Variants in PDE4D observed in about 807,000 individuals in gnomAD.
PDE4D encodes the protein phosphodiesterase 4D.
In PDE4D, 24 loss-of-function variants were observed where a neutral mutation model predicts 87.4. The ratio of observed to expected loss-of-function variants is 0.27; its 90% CI spans 0.20 to 0.39. The LOEUF (loss-of-function observed/expected upper bound fraction) is 0.39. PDE4D is among the 10% of genes least tolerant of loss of function. The pLI is 1.00. For missense variants in PDE4D, 714 were observed against 1,041.0 expected, an observed-to-expected ratio of 0.69 and a Z score of 4.32; for synonymous variants, 384 against 383.2, an observed-to-expected ratio of 1.00 and a Z score of -0.02.
chr5:60,112,880 C>T (rs759307452), intron 2 of PDE4D, among the ~76,000 whole-genome samples: 9 of 152,060 alleles, frequency 5.9e-5, no homozygotes, highest in South Asian at 4.1e-4. Flanking sequence ...CATTCTGTAA[C>T]GCCATCCAAA....
At position 59,788,896 on chromosome 5, in the gene PDE4D, G is replaced by C. The variant is rs76279336; in HGVS notation, c.455+104272C>G. On this transcript the variant is annotated intron_variant, in intron 1 of 14. Coordinates refer to ENST00000340635, the MANE Select transcript of PDE4D (RefSeq NM_001104631.2). Reference sequence around the variant, plus strand: ...GTTCACTTATCAAAAGCTTGTTATAGGTAGTGATATGGGCTTTACAAAAAG... The same window carrying C: ...GTTCACTTATCAAAAGCTTGTTATACGTAGTGATATGGGCTTTACAAAAAG... Among the ~76,000 whole-genome samples, 471 of 152,306 alleles carry C rather than the reference G, an allele frequency of 3.1e-3. 2 individuals are homozygous for C. The highest frequency in any genetic ancestry group is 0.011 in the African/African-American group (445 of 41,560).
At chr5:59,018,849 T>C (rs1004040725) in intron 6 of PDE4D, among the ~76,000 whole-genome samples, 1 of 152,132 alleles carries the variant, frequency 6.6e-6, no homozygotes, top group Admixed American at 6.5e-5. Context: ...ATAATAACCT[T>C]TAATGAGCAC....
intron 2 of PDE4D, among the ~76,000 whole-genome samples, chr5:60,164,616 G>A (rs1273904900): frequency 1.3e-5 from 2 of 152,120 alleles, no homozygotes; most frequent in African/African-American, 4.8e-5. Flanking sequence ...CATACTAAAT[G>A]TTAAAAAATG....
At chr5:60,449,073 A>G (rs757662837) in intron 1 of PDE4D, among the ~76,000 whole-genome samples, 2,552 of 91,136 alleles carry the variant, frequency 0.028, 72 homozygotes, top group African/African-American at 0.11. Context: ...CTGCCCGCGC[A>G]CACACACACA....
chr5:59,338,786 T>G (rs539342475), intron 1 of PDE4D, among the ~76,000 whole-genome samples: 1 of 152,286 alleles, frequency 6.6e-6, no homozygotes, highest in African/African-American at 2.4e-5. Context: ...ATAACTTGCT[T>G]TTTTACTTAA....
intron 3 of PDE4D, among the ~76,000 whole-genome samples, chr5:59,976,419 T>C (rs1267254333): frequency 6.6e-6 from 1 of 151,896 alleles, no homozygotes; most frequent in African/African-American, 2.4e-5. Context: ...TGGTCATGAG[T>C]TATTGTGAGA....
In PDE4D at chr5:58,990,913, A is replaced by G; in HGVS notation, c.1189-11T>C. On this transcript the variant is annotated splice_polypyrimidine_tract_variant and intron_variant, in intron 8 of 14. Coordinates refer to ENST00000340635, the MANE Select transcript of PDE4D (RefSeq NM_001104631.2). Reference sequence around the variant, plus strand: ...CACATCTTCTAGTTCCTGGAGTGAAAAAAAAAAAAAGATACTAAAATATTA... The same window carrying G: ...CACATCTTCTAGTTCCTGGAGTGAAGAAAAAAAAAAGATACTAAAATATTA... The G allele has an allele frequency of 1.6e-6, 2 of 1,271,064 alleles. No individual in the cohort carries two copies. The highest frequency in any genetic ancestry group is 2.6e-5 in the East Asian group (1 of 37,862). The allele number at this position is 1,271,064 out of a possible 1,614,324, so 78.7% of individuals were successfully genotyped here.
At chr5:60,334,720 G>A (rs1757592884) in intron 1 of PDE4D, among the ~76,000 whole-genome samples, 1 of 151,706 alleles carries the variant, frequency 6.6e-6, no homozygotes. Context: ...AAAGAACTCT[G>A]AAAGGGAGGA....
At chr5:59,059,238 C>T (rs1218523129) in intron 5 of PDE4D, among the ~76,000 whole-genome samples, 1 of 152,166 alleles carries the variant, frequency 6.6e-6, no homozygotes, top group Non-Finnish European at 1.5e-5. Context: ...ATTAAATCAG[C>T]TCTGTGGTTG....
intron 1 of PDE4D, among the ~76,000 whole-genome samples, chr5:60,292,726 C>T (rs1450184398): frequency 6.6e-6 from 1 of 152,194 alleles, no homozygotes; most frequent in Admixed American, 6.5e-5. Context: ...ATTAGACGAA[C>T]AGGTCCTCTC....
intron 4 of PDE4D, among the ~76,000 whole-genome samples, chr5:59,184,555 A>AT (rs34071921): frequency 0.22 from 28,436 of 128,510 alleles, 2,976 homozygotes; most frequent in African/African-American, 0.3. Context: ...TTAATAGCAG[A>AT]TTTTTTTTAA....
rs957246979 is a variant in PDE4D, at chr5:60,008,453, T to A, written c.43-19736A>T. 3.7e-4 allele frequency among the ~76,000 whole-genome samples: 56 copies of A among 152,108 alleles called. 1 individual carries two copies. Among genetic ancestry groups the A allele is most frequent in the African/African-American group, 1.1e-3 (45 of 41,556 alleles). On this transcript the variant is annotated intron_variant, in intron 2 of 16. Transcript: ENST00000502484. ...CCCCATATGGGCCATTTAGAACACATCTGAAGGCCATAAGTTTGGAACCAC... is the reference window on the plus strand; with the variant it reads ...CCCCATATGGGCCATTTAGAACACAACTGAAGGCCATAAGTTTGGAACCAC...
chr5:59,086,750 A>T (rs1383830254), intron 5 of PDE4D, among the ~76,000 whole-genome samples: 3 of 152,108 alleles, frequency 2.0e-5, no homozygotes, highest in Admixed American at 6.5e-5. Context: ...CCAGAAACCC[A>T]TGTACAATTC....
At chr5:59,573,708 C>T (rs1822268367) in intron 1 of PDE4D, among the ~76,000 whole-genome samples, 1 of 151,748 alleles carries the variant, frequency 6.6e-6, no homozygotes, top group Admixed American at 6.6e-5. Flanking sequence ...TTCAAAATAG[C>T]TCTTCTAGGC....
At chr5:59,306,205 C>T (rs892897390) in intron 1 of PDE4D, among the ~76,000 whole-genome samples, 1 of 152,180 alleles carries the variant, frequency 6.6e-6, no homozygotes, top group Non-Finnish European at 1.5e-5. Flanking sequence ...ACAAGAATAG[C>T]TACCTCTGCT....
At chr5:60,316,308 A>G (rs908552005) in intron 1 of PDE4D, among the ~76,000 whole-genome samples, 2 of 152,186 alleles carry the variant, frequency 1.3e-5, no homozygotes, top group African/African-American at 4.8e-5. Context: ...GTGTATAAGA[A>G]TGCTTGTGAT....
At chr5:60,405,882 A>C (rs1741483767) in intron 1 of PDE4D, among the ~76,000 whole-genome samples, 1 of 152,192 alleles carries the variant, frequency 6.6e-6, no homozygotes, top group Non-Finnish European at 1.5e-5. Context: ...ACTCAAAAAC[A>C]AGTTGGGCTT....
At chr5:59,337,339 T>C (rs1379536484) in intron 1 of PDE4D, among the ~76,000 whole-genome samples, 1 of 122,280 alleles carries the variant, frequency 8.2e-6, no homozygotes, top group Non-Finnish European at 1.6e-5. Context: ...CCCCCCACCT[T>C]TTTTTTTTTT....
chr5:60,274,508 G>T (rs957327554), intron 1 of PDE4D, among the ~76,000 whole-genome samples: 2 of 152,106 alleles, frequency 1.3e-5, no homozygotes, highest in African/African-American at 4.8e-5. Context: ...TTACCGGCAT[G>T]TGCCACCACG....
Sources: allele counts gnomAD v4.1 joint callset (sites outside exome capture counted in the v4.1 genomes callset), GRCh38; gene constraint gnomAD v4.1.1; transcripts MANE v1.5; gene names NCBI Gene and HGNC (gene_info 2026-07-23, HGNC 2026-07-21).